The following ADAMTSL1 variants were observed in gnomAD, a reference collection of about 807,000 sequenced individuals.
The protein encoded by ADAMTSL1 is ADAMTS like 1.
Under a neutral mutation model 201.8 loss-of-function variants are expected in ADAMTSL1, and 126 were observed. The ratio of observed to expected loss-of-function variants is 0.62; its 90% CI spans 0.54 to 0.72. The LOEUF is 0.72. ADAMTSL1 is among the 30% of genes least tolerant of loss of function. ADAMTSL1 has a pLI of 0.00. For missense variants in ADAMTSL1, 2,679 were observed against 2,277.8 expected (o/e 1.18, Z -3.59); for synonymous variants, 1,121 against 903.4 (o/e 1.24, Z -4.32).
chr9:18,716,478 C>T (rs1390098546), intron 14 of ADAMTSL1, among the ~76,000 whole-genome samples: 2 of 152,088 alleles, frequency 1.3e-5, no homozygotes, highest in Non-Finnish European at 1.5e-5. Flanking sequence ...CCAAAAACCA[C>T]GTGAAAAAAT....
At chr9:18,434,775 ATCTACCTCTCC>A (rs1260374849) in intron 2 of ADAMTSL1, among the ~76,000 whole-genome samples, 2 of 152,136 alleles carry the variant, frequency 1.3e-5, no homozygotes, top group East Asian at 3.9e-4. Flanking sequence ...ATCTGGCTGA[ATCTACCTCTCC>A]CATCTCATTT....
At chr9:18,411,011 G>GT (rs201747922) in intron 2 of ADAMTSL1, among the ~76,000 whole-genome samples, 4,291 of 145,790 alleles carry the variant, frequency 0.029, 88 homozygotes, top group Non-Finnish European at 0.04. Flanking sequence ...CTGGCTAGTT[G>GT]TTTTTTTTTG....
intron 13 of ADAMTSL1, among the ~76,000 whole-genome samples, chr9:18,685,336 A>G (rs1210673173): frequency 6.6e-6 from 1 of 152,238 alleles, no homozygotes; most frequent in East Asian, 1.9e-4. Flanking sequence ...AAGTCCATGG[A>G]ATCTGTAAAA....
At chr9:18,881,025 C>T (rs904760312) in intron 23 of ADAMTSL1, among the ~76,000 whole-genome samples, 1 of 152,186 alleles carries the variant, frequency 6.6e-6, no homozygotes, top group Admixed American at 6.5e-5. Flanking sequence ...CTGCAGCTTC[C>T]TCACGTCTCT....
intron 23 of ADAMTSL1, among the ~76,000 whole-genome samples, chr9:18,850,493 G>A (rs575639769): frequency 1.3e-5 from 2 of 152,322 alleles, no homozygotes; most frequent in South Asian, 4.1e-4. Context: ...ATGGCCTAAG[G>A]CCTTGATGTG....
intron 2 of ADAMTSL1, among the ~76,000 whole-genome samples, chr9:18,397,084 G>T (rs1170065328): frequency 1.3e-5 from 2 of 151,348 alleles, no homozygotes; most frequent in Admixed American, 1.3e-4. Context: ...TAACCCCTAT[G>T]CATAAATTAG....
intron 23 of ADAMTSL1, among the ~76,000 whole-genome samples, chr9:18,883,871 T>G (rs919198966): frequency 6.6e-6 from 1 of 152,238 alleles, no homozygotes; most frequent in Non-Finnish European, 1.5e-5. Flanking sequence ...AATGCTGCTA[T>G]GAACATAGGT....
intron 7 of ADAMTSL1, among the ~76,000 whole-genome samples, chr9:18,641,377 A>T (rs1461625627): frequency 6.6e-6 from 1 of 152,084 alleles, no homozygotes; most frequent in East Asian, 1.9e-4. Context: ...AATTTTTGCC[A>T]CACAACAATT....
chr9:17,920,922 C>T (rs750652626), intron 1 of ADAMTSL1, among the ~76,000 whole-genome samples: 7 of 152,298 alleles, frequency 4.6e-5, no homozygotes, highest in African/African-American at 1.7e-4. Context: ...TTTGCAGACC[C>T]CTGTGCTAAA....
intron 2 of ADAMTSL1, among the ~76,000 whole-genome samples, chr9:18,249,471 G>A (rs756330732): frequency 6.6e-6 from 1 of 151,910 alleles, no homozygotes; most frequent in African/African-American, 2.4e-5. Flanking sequence ...ATATAGAGAG[G>A]GACGTTGCAA....
chr9:18,289,491 A>G (rs974993550), intron 2 of ADAMTSL1, among the ~76,000 whole-genome samples: 2 of 152,358 alleles, frequency 1.3e-5, no homozygotes, highest in South Asian at 4.1e-4. Context: ...GAGTTCAGCC[A>G]ACCATAGGAA....
intron 2 of ADAMTSL1, among the ~76,000 whole-genome samples, chr9:18,189,223 C>A (rs1828867664): frequency 6.6e-6 from 1 of 152,086 alleles, no homozygotes; most frequent in African/African-American, 2.4e-5. Context: ...TGAGGGGATG[C>A]ATGAGAACAT....
rs370134341 is a variant in ADAMTSL1, at chr9:18,902,125, T to G, written c.4852-3657T>G. ...AGCCCCAAAGTATATGAATCAAACA[T>G]TGACAGAATTGATGGGAGAAATAAT... On this transcript the variant is annotated intron_variant, in intron 26 of 28. Transcript: ENST00000380548. Among the ~76,000 whole-genome samples, 6 of 152,218 alleles carry G rather than the reference T, an allele frequency of 3.9e-5. 1 individual carries two copies. Among genetic ancestry groups the G allele is most frequent in the Admixed American group, 2.6e-4 (4 of 15,296 alleles).
chr9:18,536,146 T>C (rs1456198911), intron 3 of ADAMTSL1, among the ~76,000 whole-genome samples: 1 of 152,164 alleles, frequency 6.6e-6, no homozygotes. Flanking sequence ...CAAAAAAAAT[T>C]TTAAGAAAGA....
At position 18,790,286 on chromosome 9, in the gene ADAMTSL1, C is replaced by T. The variant is rs192537583; in HGVS notation, c.3678-5111C>T. ...AATGACTTGCCTAAGGCCCACCACA[C>T]GACTCTAGACTGGAGTCCGAGTCTC... On this transcript the variant is annotated intron_variant, in intron 19 of 28. Transcript: ENST00000380548. Among the ~76,000 whole-genome samples, 26 of 152,250 alleles carry T rather than the reference C, an allele frequency of 1.7e-4. 1 individual carries two copies. Among genetic ancestry groups the T allele is most frequent in the Middle Eastern group, 3.4e-3 (1 of 294 alleles).
intron 5 of ADAMTSL1, among the ~76,000 whole-genome samples, chr9:18,629,747 C>T (rs1245107684): frequency 6.6e-6 from 1 of 152,230 alleles, no homozygotes; most frequent in Non-Finnish European, 1.5e-5. Context: ...AAAATGGCCT[C>T]AAACGATGAG....
chr9:18,828,660 T>TTATATATATATATA (rs1554643931), intron 22 of ADAMTSL1, among the ~76,000 whole-genome samples: 13 of 28,530 alleles, frequency 4.6e-4, no homozygotes, highest in Non-Finnish European at 8.1e-4. Flanking sequence ...GAAAGTATAT[T>TTATATATATATATA]TATATATATA....
intron 23 of ADAMTSL1, among the ~76,000 whole-genome samples, chr9:18,852,173 C>T (rs1019889753): frequency 1.3e-5 from 2 of 152,180 alleles, no homozygotes; most frequent in South Asian, 2.1e-4. Flanking sequence ...TTGGGAGCAG[C>T]CTCCGGAGCC....
intron 2 of ADAMTSL1, among the ~76,000 whole-genome samples, chr9:18,374,974 G>T (rs1267962111): frequency 6.6e-6 from 1 of 152,234 alleles, no homozygotes; most frequent in Non-Finnish European, 1.5e-5. Flanking sequence ...CTAGATACCT[G>T]TCAATTGTTT....
Sources: gnomAD v4.1 joint callset for allele counts (sites outside exome capture counted in the v4.1 genomes callset) on GRCh38, gnomAD v4.1.1 for gene constraint, MANE v1.5 for transcripts, NCBI Gene and HGNC (gene_info 2026-07-23, HGNC 2026-07-21) for gene names.